GRM7: variants seen among roughly 807,000 people sequenced by gnomAD.
GRM7 encodes glutamate metabotropic receptor 7.
GRM7 carries 35 observed loss-of-function variants against 84.5 expected under a neutral mutation model. The ratio of observed to expected loss-of-function variants is 0.41; its 90% CI spans 0.32 to 0.55. The LOEUF is 0.55. GRM7 is among the 20% of genes least tolerant of loss of function. GRM7 has a pLI of 0.19. For missense variants in GRM7, 1,003 were observed against 1,194.6 expected, an observed-to-expected ratio of 0.84 and a Z score of 2.36; for synonymous variants, 487 against 455.1, an observed-to-expected ratio of 1.07 and a Z score of -0.89.
intron 1 of GRM7, among the ~76,000 whole-genome samples, chr3:6,882,659 A>C (rs2065987189): frequency 6.6e-6 from 1 of 152,266 alleles, no homozygotes; most frequent in Admixed American, 6.5e-5. Context: ...ACACAGGCAC[A>C]ATGCAAGCAA....
intron 4 of GRM7, among the ~76,000 whole-genome samples, chr3:7,368,191 G>T (rs1479255141): frequency 6.6e-6 from 1 of 151,892 alleles, no homozygotes; most frequent in Admixed American, 6.6e-5. Flanking sequence ...GACTACAAAG[G>T]CATTTCTGGA....
At chr3:6,872,618 C>T (rs532441431) in intron 1 of GRM7, among the ~76,000 whole-genome samples, 1 of 152,180 alleles carries the variant, frequency 6.6e-6, no homozygotes, top group East Asian at 1.9e-4. Flanking sequence ...CCTTAGCCCC[C>T]CCAACCCCCG....
In GRM7 at chr3:7,679,407, G is replaced by A. The variant is rs184712937; in HGVS notation, c.2452-642G>A. On this transcript the variant is annotated intron_variant, in intron 8 of 9. Transcript: ENST00000357716. Reference sequence around the variant, plus strand: ...AAATAACACAACTCCAGAATAAGGCGTTGCATCTCATTAGTAATTTGACAA... The same window carrying A: ...AAATAACACAACTCCAGAATAAGGCATTGCATCTCATTAGTAATTTGACAA... Among the ~76,000 whole-genome samples the A allele has an allele frequency of 3.9e-5, 6 of 152,006 alleles. No individual in the cohort carries two copies. In the South Asian group the frequency reaches 1.0e-3, roughly 26 times the overall value.
At chr3:7,150,807 A>G (rs537264803) in intron 2 of GRM7, among the ~76,000 whole-genome samples, 51 of 152,328 alleles carry the variant, frequency 3.3e-4, no homozygotes, top group African/African-American at 1.2e-3. Flanking sequence ...GGTCAAGGTA[A>G]ATGTTTATGA....
intron 7 of GRM7, among the ~76,000 whole-genome samples, chr3:7,547,298 C>G (rs578091040): frequency 9.3e-5 from 14 of 151,224 alleles, no homozygotes; most frequent in South Asian, 6.3e-4. Flanking sequence ...GCTCCACCCC[C>G]CGGGTTCACG....
In GRM7 at chr3:7,711,082, C is replaced by G. The variant is rs111498850; in HGVS notation, c.2699-29275C>G. On this transcript the variant is annotated intron_variant, in intron 9 of 9. Transcript: ENST00000357716. ...TCAACCCATCATTGGCAAGTTGTCC[C>G]TAAGTATTAGACACAGTGGTATCCA... 2.8e-4 allele frequency among the ~76,000 whole-genome samples: 42 copies of G among 152,258 alleles called. 1 individual carries two copies. The highest frequency in any genetic ancestry group is 9.1e-4 in the African/African-American group (38 of 41,544).
intron 1 of GRM7, among the ~76,000 whole-genome samples, chr3:6,966,396 T>C (rs556930597): frequency 3.1e-4 from 47 of 152,314 alleles, no homozygotes; most frequent in African/African-American, 9.9e-4. Context: ...TGAGATCTTC[T>C]AAGCTGAGGA....
rs993576019 is a variant in GRM7 at position 7,456,533 on chromosome 3, T to A, written c.1375+3726T>A. Among the ~76,000 whole-genome samples the A allele has an allele frequency of 1.2e-4, 15 of 124,622 alleles. No homozygotes were observed. The Admixed American group carries it at 1.2e-3, about 10-fold the overall frequency. The allele number at this position is 124,622 out of a possible 152,430, so 81.8% of individuals were successfully genotyped here. Reference sequence around the variant, plus strand: ...TCAAATCCATACAGCTAGGTAGCGATGATGTTATACTTGAGACACAGGACA... The same window carrying A: ...TCAAATCCATACAGCTAGGTAGCGAAGATGTTATACTTGAGACACAGGACA... On this transcript the variant is annotated intron_variant, in intron 6 of 9. Coordinates refer to ENST00000357716, the MANE Select transcript of GRM7 (RefSeq NM_000844.4).
intron 8 of GRM7, among the ~76,000 whole-genome samples, chr3:7,639,234 A>G (rs1698250347): frequency 6.6e-6 from 1 of 152,166 alleles, no homozygotes; most frequent in Non-Finnish European, 1.5e-5. Context: ...CTAGAGTTTA[A>G]TACATTTCTG....
chr3:6,913,078 G>GT (rs1056561827), intron 1 of GRM7, among the ~76,000 whole-genome samples: 5 of 152,104 alleles, frequency 3.3e-5, no homozygotes, highest in African/African-American at 1.2e-4. Flanking sequence ...GAGTTCATCA[G>GT]TTTTCCTAAG....
chr3:7,624,081 C>T (rs181276700), intron 8 of GRM7, among the ~76,000 whole-genome samples: 2 of 152,188 alleles, frequency 1.3e-5, no homozygotes, highest in East Asian at 3.9e-4. Flanking sequence ...AACTTAGGTC[C>T]TCTATAATAT....
intron 4 of GRM7, among the ~76,000 whole-genome samples, chr3:7,352,070 C>CACACAT (rs1693183004): frequency 6.9e-6 from 1 of 144,952 alleles, no homozygotes; most frequent in African/African-American, 2.5e-5. Flanking sequence ...CACACACACA[C>CACACAT]ACACACACAC....
intron 2 of GRM7, among the ~76,000 whole-genome samples, chr3:7,155,988 T>C (rs1317352348): frequency 6.6e-6 from 1 of 152,190 alleles, no homozygotes; most frequent in Non-Finnish European, 1.5e-5. Flanking sequence ...TATTATTCCA[T>C]TGCATTAATA....
At chr3:7,373,688 T>G (rs1472630182) in intron 4 of GRM7, among the ~76,000 whole-genome samples, 1 of 152,234 alleles carries the variant, frequency 6.6e-6, no homozygotes, top group Non-Finnish European at 1.5e-5. Flanking sequence ...TCCATTGTTC[T>G]GGGCTTGTGA....
intron 6 of GRM7, among the ~76,000 whole-genome samples, chr3:7,454,013 G>A (rs1464712954): frequency 2.6e-5 from 4 of 151,140 alleles, no homozygotes; most frequent in Admixed American, 1.3e-4. Context: ...GTTTTCTGAG[G>A]CCTAAAGTGC....
chr3:7,627,033 G>C (rs940536951), intron 8 of GRM7, among the ~76,000 whole-genome samples: 1 of 151,376 alleles, frequency 6.6e-6, no homozygotes, highest in South Asian at 2.1e-4. Context: ...TATCACTGAA[G>C]CCTTAATTCA....
intron 4 of GRM7, among the ~76,000 whole-genome samples, chr3:7,319,698 C>A (rs145571036): frequency 3.6e-4 from 54 of 152,034 alleles, no homozygotes; most frequent in African/African-American, 1.3e-3. Context: ...TACACAAAAG[C>A]CAACAGGTTC....
chr3:7,401,421 G>A (rs570657737), intron 4 of GRM7, among the ~76,000 whole-genome samples: 1 of 152,120 alleles, frequency 6.6e-6, no homozygotes, highest in African/African-American at 2.4e-5. Flanking sequence ...TTATAATGTT[G>A]CCATATGGCT....
intron 1 of GRM7, among the ~76,000 whole-genome samples, chr3:7,026,334 A>G (rs1362766561): frequency 2.0e-5 from 3 of 152,212 alleles, no homozygotes; most frequent in Non-Finnish European, 2.9e-5. Flanking sequence ...TAAAAGAAAT[A>G]CCATCATATG....
Sources: allele counts gnomAD v4.1 joint callset (sites outside exome capture counted in the v4.1 genomes callset), GRCh38; gene constraint gnomAD v4.1.1; transcripts MANE v1.5; gene names NCBI Gene and HGNC (gene_info 2026-07-23, HGNC 2026-07-21).